IQCJ: variants seen among roughly 807,000 people sequenced by gnomAD.
IQCJ encodes the protein IQ motif containing J.
In IQCJ, 9 loss-of-function variants were observed where a neutral mutation model predicts 11.0. That is an observed-to-expected ratio of 0.82 (90% CI 0.49 to 1.43). The LOEUF (loss-of-function observed/expected upper bound fraction) is 1.43. Ranked by LOEUF, IQCJ falls within the 40% of genes most tolerant of loss-of-function variation. The pLI is 0.00. For synonymous variants in IQCJ, 55 were observed against 51.3 expected (o/e 1.07, Z -0.31); for missense variants, 146 against 133.2 (o/e 1.10, Z -0.47).
At chr3:159,133,616 G>T (rs1171709545) in intron 1 of IQCJ, among the ~76,000 whole-genome samples, 1 of 152,116 alleles carries the variant, frequency 6.6e-6, no homozygotes, top group Non-Finnish European at 1.5e-5. Flanking sequence ...ATCTTTGAGG[G>T]GCTTAAACGT....
intron 1 of IQCJ, among the ~76,000 whole-genome samples, chr3:159,130,110 C>T (rs1037075163): frequency 2.0e-5 from 3 of 152,154 alleles, no homozygotes; most frequent in African/African-American, 7.2e-5. Context: ...CTCTGGGAAC[C>T]TCTAATCTTT....
chr3:159,151,409 A>T (rs190876183), intron 1 of IQCJ, among the ~76,000 whole-genome samples: 9 of 152,230 alleles, frequency 5.9e-5, no homozygotes, highest in Non-Finnish European at 1.0e-4. Flanking sequence ...TGTCCTCAGC[A>T]CTGCTGTTCT....
Position 159,252,812 on chromosome 3 carries a change from G to A in IQCJ, c.155+5G>A, listed in dbSNP as rs1358098023. On this transcript the variant is annotated splice_donor_5th_base_variant and intron_variant, in intron 3 of 3. Transcript: ENST00000397832. ...CTTGGAATCAAAGGTGAAAATGTAA[G>A]TTATTTCAAAGTATAAATTAAGCAA... The A allele has an allele frequency of 1.2e-6, 2 of 1,608,442 alleles. No homozygotes were observed. The highest frequency in any genetic ancestry group is 1.1e-5 in the South Asian group (1 of 89,914).
At chr3:159,089,865 G>A (rs924384441) in intron 1 of IQCJ, among the ~76,000 whole-genome samples, 3 of 151,746 alleles carry the variant, frequency 2.0e-5, no homozygotes, top group East Asian at 3.9e-4. Context: ...TTTGGTTTGA[G>A]TGTCCTCCTG....
intron 1 of IQCJ, among the ~76,000 whole-genome samples, chr3:159,216,299 G>A (rs1335507956): frequency 2.0e-5 from 3 of 152,112 alleles, no homozygotes; most frequent in Non-Finnish European, 2.9e-5. Context: ...ATTTTTTAAA[G>A]CATATTTGCT....
chr3:159,176,454 G>T (rs950843366), intron 1 of IQCJ, among the ~76,000 whole-genome samples: 2 of 151,986 alleles, frequency 1.3e-5, no homozygotes, highest in Non-Finnish European at 2.9e-5. Flanking sequence ...ACTTAACAGT[G>T]ATACATATTT....
chr3:159,195,216 C>A (rs1723915361), intron 1 of IQCJ, among the ~76,000 whole-genome samples: 1 of 152,162 alleles, frequency 6.6e-6, no homozygotes, highest in Admixed American at 6.5e-5. Flanking sequence ...AGGATCCAGT[C>A]CTACATACTG....
intron 1 of IQCJ, among the ~76,000 whole-genome samples, chr3:159,120,544 G>A (rs1719307053): frequency 6.6e-6 from 1 of 152,208 alleles, no homozygotes; most frequent in African/African-American, 2.4e-5. Flanking sequence ...GGGGAAAGCT[G>A]GAAGCCCAGG....
chr3:159,175,623 C>T (rs781498886), intron 1 of IQCJ, among the ~76,000 whole-genome samples: 2 of 152,116 alleles, frequency 1.3e-5, no homozygotes, highest in Non-Finnish European at 2.9e-5. Context: ...TGGAATTTTG[C>T]TTGCTTAATG....
intron 1 of IQCJ, among the ~76,000 whole-genome samples, chr3:159,117,940 C>T (rs547662036): frequency 1.4e-4 from 22 of 152,260 alleles, no homozygotes; most frequent in African/African-American, 4.8e-4. Context: ...ATAATTACTC[C>T]GTGATGCGCC....
At chr3:159,178,843 A>AAAGATAC in intron 1 of IQCJ, among the ~76,000 whole-genome samples, 1 of 152,178 alleles carries the variant, frequency 6.6e-6, no homozygotes, top group East Asian at 1.9e-4. Context: ...TCAACAGGAA[A>AAAGATAC]AAGATACAAT....
chr3:159,103,502 C>T (rs1380860896), intron 1 of IQCJ, among the ~76,000 whole-genome samples: 3 of 152,214 alleles, frequency 2.0e-5, no homozygotes, highest in Non-Finnish European at 4.4e-5. Context: ...TTAGGATCGA[C>T]ATTCTGCTCA....
At chr3:159,235,383 T>C (rs1014494230) in intron 1 of IQCJ, among the ~76,000 whole-genome samples, 1 of 152,208 alleles carries the variant, frequency 6.6e-6, no homozygotes, top group Non-Finnish European at 1.5e-5. Context: ...CATTCTATAA[T>C]GATAGTTTTT....
At chr3:159,104,138 C>T (rs1466089715) in intron 1 of IQCJ, among the ~76,000 whole-genome samples, 1 of 152,202 alleles carries the variant, frequency 6.6e-6, no homozygotes, top group Non-Finnish European at 1.5e-5. Context: ...TACTCTTCCC[C>T]AAATGTCCCA....
chr3:159,191,098 G>A (rs1023876474), intron 1 of IQCJ, among the ~76,000 whole-genome samples: 4 of 152,142 alleles, frequency 2.6e-5, no homozygotes, highest in African/African-American at 9.7e-5. Flanking sequence ...TGGGGAAAAC[G>A]CAACTCCTCC....
intron 1 of IQCJ, among the ~76,000 whole-genome samples, chr3:159,218,877 G>T (rs938136656): frequency 6.6e-6 from 1 of 152,002 alleles, no homozygotes; most frequent in Admixed American, 6.5e-5. Context: ...GCAGGGCTTC[G>T]TTCCTTCCAG....
intron 1 of IQCJ, among the ~76,000 whole-genome samples, chr3:159,182,380 T>C (rs949494793): frequency 6.6e-6 from 1 of 151,998 alleles, no homozygotes; most frequent in African/African-American, 2.4e-5. Context: ...TGTGGAGTTC[T>C]GCACCTTACT....
chr3:159,086,849 C>A (rs1716813845), intron 1 of IQCJ, among the ~76,000 whole-genome samples: 1 of 152,158 alleles, frequency 6.6e-6, no homozygotes, highest in Non-Finnish European at 1.5e-5. Context: ...GATATACAAT[C>A]ATGTCATCTG....
At chr3:159,217,713 T>C (rs1392695399) in intron 1 of IQCJ, among the ~76,000 whole-genome samples, 2 of 152,124 alleles carry the variant, frequency 1.3e-5, no homozygotes, top group African/African-American at 4.8e-5. Flanking sequence ...TACTCCACAT[T>C]AAAATCCCTC....
Sources: gnomAD v4.1 joint callset for allele counts (sites outside exome capture counted in the v4.1 genomes callset) on GRCh38, gnomAD v4.1.1 for gene constraint, MANE v1.5 for transcripts, NCBI Gene and HGNC (gene_info 2026-07-23, HGNC 2026-07-21) for gene names.